The following UGT1A8 variants were observed in gnomAD, a reference collection of about 807,000 sequenced individuals.
UGT1A8 encodes the protein UDP-glucuronosyltransferase 1A8.
UGT1A8 carries 39 observed loss-of-function variants against 45.3 expected under a neutral mutation model. That is an observed-to-expected ratio of 0.86 (90% confidence interval 0.67 to 1.12). The LOEUF (loss-of-function observed/expected upper bound fraction) is 1.12, where lower values mean the gene tolerates loss of function less well. Among genes scored for constraint, UGT1A8 ranks in the 50% most tolerant of loss-of-function variants. The pLI is 0.00. For missense variants in UGT1A8, 719 were observed against 664.9 expected, an observed-to-expected ratio of 1.08 and a Z score of -0.90; for synonymous variants, 275 against 249.2, an observed-to-expected ratio of 1.10 and a Z score of -0.97.
At chr2:233,707,539 T>G (rs1401176001) in intron 1 of UGT1A8, among the ~76,000 whole-genome samples, 11 of 137,828 alleles carry the variant, frequency 8.0e-5, no homozygotes, top group Non-Finnish European at 1.6e-5. Context: ...TTGTCTTGCC[T>G]TTTTTTTTTT....
chr2:233,687,956 A>G (rs2074870649), intron 1 of UGT1A8, among the ~76,000 whole-genome samples: 1 of 152,252 alleles, frequency 6.6e-6, no homozygotes, highest in Non-Finnish European at 1.5e-5. Flanking sequence ...TTAAAAATTG[A>G]TATGTAATTC....
chr2:233,749,850 T>C (rs1468602836), intron 1 of UGT1A8, among the ~76,000 whole-genome samples: 1 of 151,948 alleles, frequency 6.6e-6, no homozygotes. Flanking sequence ...TCTTTGCCTC[T>C]CTCTCACTTT....
chr2:233,712,954 G>C, intron 1 of UGT1A8: 1 of 1,612,846 alleles, frequency 6.2e-7, no homozygotes, highest in East Asian at 2.2e-5. Context: ...GAGGCACAAC[G>C]TGGGGTGGAC....
At chr2:233,627,380 A>G (rs1427182582) in intron 1 of UGT1A8, among the ~76,000 whole-genome samples, 1 of 152,000 alleles carries the variant, frequency 6.6e-6, no homozygotes, top group African/African-American at 2.4e-5. Context: ...CTTTGCTGCC[A>G]TTAAATTTTC....
chr2:233,675,858 G>A (rs2074337721), intron 1 of UGT1A8, among the ~76,000 whole-genome samples: 1 of 151,982 alleles, frequency 6.6e-6, no homozygotes, highest in African/African-American at 2.4e-5. Context: ...TAAAAAATAA[G>A]AAAAATTTGT....
At chr2:233,628,973 A>G (rs1306598808) in intron 1 of UGT1A8, among the ~76,000 whole-genome samples, 1 of 152,138 alleles carries the variant, frequency 6.6e-6, no homozygotes, top group African/African-American at 2.4e-5. Context: ...CACATAGCAT[A>G]AAATATATCA....
chr2:233,647,240 A>C (rs533415828), intron 1 of UGT1A8, among the ~76,000 whole-genome samples: 4 of 152,328 alleles, frequency 2.6e-5, no homozygotes, highest in African/African-American at 9.6e-5. Flanking sequence ...CCAATTCAAG[A>C]TGAGCTTTGG....
At chr2:233,626,945 G>T (rs1434628371) in intron 1 of UGT1A8, among the ~76,000 whole-genome samples, 1 of 152,052 alleles carries the variant, frequency 6.6e-6, no homozygotes, top group Non-Finnish European at 1.5e-5. Context: ...TCCAGAAAAA[G>T]TGTTCTTGTT....
Position 233,772,319 on chromosome 2 carries a change from GCT to G in UGT1A8, c.1354_1355del (p.Leu452GlyfsTer53). ...TTCACAAGGACCGCCCGGTGGAGCC[GCT>G]GGACCTGGCCGTGTTCTGGGTGGAG... ...SLHKDRPVEP[L>X]DLAVFWVEFV... On this transcript the variant is annotated frameshift_variant, in exon 5 of 5. Coordinates refer to ENST00000373450, the MANE Select transcript of UGT1A8 (RefSeq NM_019076.5). LOFTEE classifies it high-confidence loss of function. 1 of 1,614,164 alleles carries G rather than the reference GCT, an allele frequency of 6.2e-7. No homozygotes were observed. Among genetic ancestry groups the G allele is most frequent in the Non-Finnish European group, 8.5e-7 (1 of 1,180,030 alleles).
At chr2:233,732,944 A>G (rs2078339479) in intron 1 of UGT1A8, among the ~76,000 whole-genome samples, 2 of 152,256 alleles carry the variant, frequency 1.3e-5, no homozygotes, top group Admixed American at 1.3e-4. Flanking sequence ...ATCCATGAGC[A>G]TGGAATGTTC....
chr2:233,717,831 A>C (rs1289598238), intron 1 of UGT1A8: 1 of 455,268 alleles, frequency 2.2e-6, no homozygotes, highest in Non-Finnish European at 4.4e-6. Flanking sequence ...TCTGTTCTGG[A>C]GGAACCATTC....
chr2:233,713,567 C>A (rs1231652913), intron 1 of UGT1A8: 9 of 1,613,854 alleles, frequency 5.6e-6, no homozygotes, highest in Non-Finnish European at 7.6e-6. Flanking sequence ...ACCCTTCCTC[C>A]TATATTCCTA....
rs778078668 is a variant in UGT1A8 at position 233,618,515 on chromosome 2, A to T, written c.808A>T (p.Ile270Phe). The change falls in exon 1 of 5, where the codon ATC (isoleucine) becomes TTC (phenylalanine). Residue 270 changes from isoleucine (I) to phenylalanine (F), a missense_variant. By Grantham distance (21) the Ile-to-Phe change is conservative (BLOSUM62 0). Transcript: ENST00000373450. Reference sequence around the variant, plus strand: ...TCCCAAACCCGTGATGCCCAATATGATCTTCATTGGTGGTATCAACTGCCA... The same window carrying T: ...TCCCAAACCCGTGATGCCCAATATGTTCTTCATTGGTGGTATCAACTGCCA... Reference protein sequence around the residue: ...DYPKPVMPNMIFIGGINCHQG... With the variant: ...DYPKPVMPNMFFIGGINCHQG... 1.2e-6 allele frequency: 2 copies of T among 1,613,880 alleles called. No homozygotes were observed. Among genetic ancestry groups the T allele is most frequent in the Non-Finnish European group, 1.7e-6 (2 of 1,179,852 alleles).
At chr2:233,628,387 A>AT (rs1385643999) in intron 1 of UGT1A8, among the ~76,000 whole-genome samples, 2 of 152,068 alleles carry the variant, frequency 1.3e-5, no homozygotes, top group Admixed American at 1.3e-4. Context: ...AAATCTGCAT[A>AT]TAAGTGGATC....
intron 1 of UGT1A8, among the ~76,000 whole-genome samples, chr2:233,721,134 G>T (rs929528058): frequency 6.6e-6 from 1 of 152,014 alleles, no homozygotes; most frequent in East Asian, 1.9e-4. Context: ...ATTAGTGTAG[G>T]TATTATTGCA....
intron 1 of UGT1A8, among the ~76,000 whole-genome samples, chr2:233,765,193 A>G (rs1229079097): frequency 6.6e-6 from 1 of 152,214 alleles, no homozygotes; most frequent in Non-Finnish European, 1.5e-5. Flanking sequence ...TCACACAATC[A>G]TATTAGTGCC....
chr2:233,691,177 G>C, intron 1 of UGT1A8: 1 of 985,670 alleles, frequency 1.0e-6, no homozygotes, highest in South Asian at 4.7e-5. Context: ...ATGTCTGCCT[G>C]CTCAAGAAGG....
intron 1 of UGT1A8, among the ~76,000 whole-genome samples, chr2:233,738,308 G>T (rs1018461415): frequency 7.9e-5 from 12 of 152,194 alleles, no homozygotes; most frequent in African/African-American, 2.7e-4. Flanking sequence ...TGTCTTTATA[G>T]CAGTGTGTGA....
At chr2:233,734,123 A>ATAATAAT (rs1384319848) in intron 1 of UGT1A8, among the ~76,000 whole-genome samples, 2 of 151,918 alleles carry the variant, frequency 1.3e-5, no homozygotes, top group Non-Finnish European at 2.9e-5. Flanking sequence ...AATAATAATA[A>ATAATAAT]AAAGAATTTG....
Sources: gnomAD v4.1 joint callset for allele counts (sites outside exome capture counted in the v4.1 genomes callset) on GRCh38, gnomAD v4.1.1 for gene constraint, MANE v1.5 for transcripts, NCBI Gene and HGNC (gene_info 2026-07-23, HGNC 2026-07-21) for gene names.